The following ROCK1 variants were observed in gnomAD, a reference collection of about 807,000 sequenced individuals.
ROCK1 encodes Rho associated coiled-coil containing protein kinase 1.
A neutral mutation model predicts 196.8 loss-of-function variants in ROCK1; 36 were observed. That is an observed-to-expected ratio of 0.18 (90% confidence interval 0.14 to 0.24). ROCK1 has a LOEUF of 0.24. ROCK1 is among the 10% of genes least tolerant of loss of function. The pLI is 1.00. For missense variants in ROCK1, 920 were observed against 1,562.0 expected (o/e 0.59, Z 6.93); for synonymous variants, 443 against 515.9 (o/e 0.86, Z 1.91).
intron 13 of ROCK1, among the ~76,000 whole-genome samples, chr18:21,013,508 C>T (rs2035836539): frequency 6.6e-6 from 1 of 152,202 alleles, no homozygotes; most frequent in African/African-American, 2.4e-5. Flanking sequence ...GTTCTGACTC[C>T]CTACCATGTC....
At chr18:21,058,125 G>A (rs547938393) in intron 2 of ROCK1, among the ~76,000 whole-genome samples, 1 of 152,180 alleles carries the variant, frequency 6.6e-6, no homozygotes, top group East Asian at 1.9e-4. Flanking sequence ...ATTATATACT[G>A]ATACACAGAT....
intron 1 of ROCK1, among the ~76,000 whole-genome samples, chr18:21,107,266 G>A (rs1358216979): frequency 6.6e-6 from 1 of 152,110 alleles, no homozygotes; most frequent in Non-Finnish European, 1.5e-5. Context: ...CATCATTAGT[G>A]TCTCAACAAA....
At chr18:21,044,064 G>A (rs781338585) in intron 6 of ROCK1, 38 bp downstream of exon 6, 4 of 1,302,518 alleles carry the variant, frequency 3.1e-6, no homozygotes, top group Non-Finnish European at 4.4e-6. Flanking sequence ...CATCTACCTT[G>A]AATTAGCAAA....
At chr18:20,956,585 A>G (rs1018506164) in intron 29 of ROCK1, among the ~76,000 whole-genome samples, 1 of 152,222 alleles carries the variant, frequency 6.6e-6, no homozygotes, top group African/African-American at 2.4e-5. Context: ...ATAAAAACAA[A>G]TACTGTTGGA....
chr18:21,028,393 G>A (rs965758642), intron 10 of ROCK1, among the ~76,000 whole-genome samples: 14 of 151,866 alleles, frequency 9.2e-5, no homozygotes, highest in African/African-American at 3.1e-4. Flanking sequence ...TCCAGCCTGG[G>A]TGACAGAGCA....
chr18:21,045,508 G>A, intron 4 of ROCK1, 41 bp from the exon 5 acceptor site: 1 of 1,434,204 alleles, frequency 7.0e-7, no homozygotes, highest in South Asian at 1.5e-5. Context: ...ATTCATTAAT[G>A]TTAAACAAAA....
rs1258090880 is a variant in ROCK1, at chr18:21,006,395, C to T, written c.1841G>A (p.Arg614Gln). 2.5e-6 allele frequency: 4 copies of T among 1,613,266 alleles called. No individual in the cohort carries two copies. The highest frequency in any genetic ancestry group is 2.2e-5 in the East Asian group (1 of 44,832). The change falls in exon 16 of 33, where the codon CGA becomes CAA. Residue 614 changes from arginine (R) to glutamine (Q), a missense_variant. Around this residue, in one of 6 missense-constraint regions of ROCK1, gnomAD observed 520 missense variants for 657.1 expected, o/e 0.79. Transcript: ENST00000399799. ...CTCAGAATCATGACCTCTGTCTCTT[C>T]GTTCAGCTTCTAATATAGCTTGCAG... is the stretch of plus-strand genomic sequence containing the variant. Reference protein sequence around the residue: ...YQLQAILEAERRDRGHDSEMI... With the variant: ...YQLQAILEAEQRDRGHDSEMI...
At chr18:20,966,493 T>C (rs539042685) in intron 27 of ROCK1, among the ~76,000 whole-genome samples, 1 of 152,322 alleles carries the variant, frequency 6.6e-6, no homozygotes, top group East Asian at 1.9e-4. Context: ...GGGTTCTATA[T>C]GTAGCTGCTG....
At chr18:20,997,701 G>A (rs2143419547) in intron 16 of ROCK1, among the ~76,000 whole-genome samples, 1 of 152,296 alleles carries the variant, frequency 6.6e-6, no homozygotes, top group Non-Finnish European at 1.5e-5. Flanking sequence ...TCCTTAGCAT[G>A]AGGATCATTC....
Position 20,987,019 on chromosome 18 carries a change from G to A in ROCK1, c.2235C>T (p.Asp745=), listed in dbSNP as rs200669846. The change falls in exon 19 of 33, where the codon GAC becomes GAT. Residue 745 remains aspartate (D), a synonymous_variant. Coordinates refer to ENST00000399799, the MANE Select transcript of ROCK1 (RefSeq NM_005406.3). ...TCTGCTGAGATTGCTTCAGATCAAC[G>A]TCTAGCATGGAACACTGTTTCTCAA... is the stretch of plus-strand genomic sequence containing the variant. ...VQIEKQCSML[D]VDLKQSQQKL... 4.0e-5 allele frequency: 64 copies of A among 1,611,808 alleles called. 1 individual carries two copies. The highest frequency in any genetic ancestry group is 6.6e-5 in the South Asian group (6 of 90,424).
At chr18:21,088,826 T>C (rs1316863388) in intron 1 of ROCK1, among the ~76,000 whole-genome samples, 1 of 152,108 alleles carries the variant, frequency 6.6e-6, no homozygotes, top group East Asian at 1.9e-4. Flanking sequence ...AGGATGCAGC[T>C]TTCCAGGCAC....
intron 18 of ROCK1, 50 bp from the exon 19 acceptor site, chr18:20,987,160 A>T: frequency 6.4e-7 from 1 of 1,555,204 alleles, no homozygotes; most frequent in Non-Finnish European, 8.8e-7. Context: ...GAGTACTTTA[A>T]CACATTTCAC....
intron 21 of ROCK1, among the ~76,000 whole-genome samples, chr18:20,981,326 A>G (rs2035531258): frequency 6.6e-6 from 1 of 151,434 alleles, no homozygotes; most frequent in South Asian, 2.1e-4. Flanking sequence ...CCCGGGAGGC[A>G]GAGCTTGCAG....
At chr18:21,092,739 T>C (rs1426772914) in intron 1 of ROCK1, among the ~76,000 whole-genome samples, 1 of 152,170 alleles carries the variant, frequency 6.6e-6, no homozygotes, top group Admixed American at 6.5e-5. Context: ...TCAATTCTCA[T>C]ATGGTGGAGC....
Position 21,105,323 on chromosome 18 carries a change from AAAG to A in ROCK1, c.93+5492_93+5494del, listed in dbSNP as rs2036694377. Among the ~76,000 whole-genome samples the A allele has an allele frequency of 2.6e-5, 4 of 152,310 alleles. No homozygotes were observed. In the South Asian group the frequency reaches 8.3e-4, roughly 32 times the overall value. On this transcript the variant is annotated intron_variant, in intron 1 of 32. Coordinates refer to ENST00000399799, the MANE Select transcript of ROCK1 (RefSeq NM_005406.3). ...ATTAGGAGAGTAACTTGTTTTTTTA[AAAG>A]AAGTTCCTGCAACATACTAACATCC...
chr18:20,959,057 T>TATA (rs1491573135), intron 29 of ROCK1, among the ~76,000 whole-genome samples: 1 of 46,920 alleles, frequency 2.1e-5, no homozygotes, highest in African/African-American at 1.6e-4. Flanking sequence ...AATATATATA[T>TATA]TATATTTTAT....
At chr18:20,962,651 CAAATAAGCCAG>C (rs1163289297) in intron 27 of ROCK1, among the ~76,000 whole-genome samples, 2 of 151,940 alleles carry the variant, frequency 1.3e-5, no homozygotes, top group Non-Finnish European at 2.9e-5. Context: ...TCTTATGAGT[CAAATAAGCCAG>C]AATTCTACAT....
At position 21,111,145 on chromosome 18, in the gene ROCK1, C is replaced by T. The variant is rs917656488; in HGVS notation, c.-235G>A. The T allele has an allele frequency of 7.0e-6, 4 of 569,054 alleles. No homozygotes were observed. The African/African-American group carries it at 7.6e-5, about 11-fold the overall frequency. The allele number at this position is 569,054 out of a possible 1,614,324, so 35.3% of individuals were successfully genotyped here. A position where few individuals can be genotyped will look rare whatever the true frequency, so the allele number is the denominator to read the frequency against. ...TCGGACGCCCAAAGTCGCATCCCAC[C>T]CGGCAGCCCCTCACGACAGCCGACA... On this transcript the variant is annotated 5_prime_UTR_variant, in exon 1 of 33. Transcript: ENST00000399799. This position sits in a 1 kb window ranked among gnomAD's most constrained non-coding sequence, Gnocchi z 4.2.
chr18:21,087,556 G>A (rs2036537594), intron 1 of ROCK1, among the ~76,000 whole-genome samples: 1 of 152,114 alleles, frequency 6.6e-6, no homozygotes, highest in African/African-American at 2.4e-5. Context: ...AGACTTCAGA[G>A]AAAGAAAATG....
Sources: gnomAD v4.1 joint callset for allele counts (sites outside exome capture counted in the v4.1 genomes callset) on GRCh38, gnomAD v4.1.1 for gene constraint, gnomAD v4.1.1 regional missense constraint, Gnocchi (gnomAD v3.1) non-coding constraint, MANE v1.5 for transcripts, NCBI Gene and HGNC (gene_info 2026-07-23, HGNC 2026-07-21) for gene names.